Variants in FAM227B observed in about 807,000 individuals in gnomAD.
FAM227B encodes protein FAM227B.
In FAM227B, 88 loss-of-function variants were observed where a neutral mutation model predicts 73.8. The observed-to-expected ratio is 1.19, with a 90% CI of 1.00 to 1.42. FAM227B has a LOEUF of 1.42. Ranked by LOEUF, FAM227B falls within the 40% of genes most tolerant of loss-of-function variation. FAM227B has a pLI of 0.00. For missense variants in FAM227B, 632 were observed against 590.9 expected (o/e 1.07, Z -0.72); for synonymous variants, 210 against 190.5 (o/e 1.10, Z -0.84).
intron 11 of FAM227B, chr15:49,422,670 T>G (rs1028613424): frequency 7.2e-6 from 8 of 1,114,554 alleles, no homozygotes; most frequent in Non-Finnish European, 1.0e-5. Flanking sequence ...TACTGGTCAT[T>G]AGTGGTCCAA....
At chr15:49,355,096 C>T (rs1168621107) in intron 13 of FAM227B, among the ~76,000 whole-genome samples, 1 of 150,780 alleles carries the variant, frequency 6.6e-6, no homozygotes, top group East Asian at 1.9e-4. Flanking sequence ...CTGTACATCA[C>T]CATCATCAAA....
At position 49,414,749 on chromosome 15, in the gene FAM227B, TAGA is replaced by T. The variant is rs1597033323; in HGVS notation, c.1013-43353_1013-43351del. Among the ~76,000 whole-genome samples the T allele has an allele frequency of 2.0e-5, 3 of 152,066 alleles. No individual in the cohort carries two copies. The South Asian group carries it at 6.2e-4, about 32-fold the overall frequency. On this transcript the variant is annotated intron_variant, in intron 11 of 15. Transcript: ENST00000299338. The stretch of plus-strand genomic sequence containing the variant: ...GATAATTGATAGGAAGAAACAGGTG[TAGA>T]AGAAGTTGTGGTAGAATTGACATTT...
intron 13 of FAM227B, among the ~76,000 whole-genome samples, chr15:49,341,186 G>A (rs1322937187): frequency 6.6e-6 from 1 of 152,170 alleles, no homozygotes; most frequent in Non-Finnish European, 1.5e-5. Context: ...ATAGTTTGAA[G>A]TTGGGTAATA....
intron 9 of FAM227B, among the ~76,000 whole-genome samples, chr15:49,547,534 C>G (rs956351161): frequency 6.6e-6 from 1 of 151,488 alleles, no homozygotes; most frequent in African/African-American, 2.4e-5. Context: ...TCAGGAAACC[C>G]ATCTCAAGTG....
At chr15:49,593,425 TTTTTTA>T (rs1371999478) in intron 3 of FAM227B, among the ~76,000 whole-genome samples, 1 of 152,202 alleles carries the variant, frequency 6.6e-6, no homozygotes, top group East Asian at 1.9e-4. Flanking sequence ...CTGCATTTTA[TTTTTTA>T]TTTTTATTTT....
rs542777059 is a variant in FAM227B at position 49,553,394 on chromosome 15, G to A, written c.748-11588C>T. ...TAAGACGTGAAGCCAGAACAATGCT[G>A]GGTCTCACTGAAGGCCTGCAGCAAT... On this transcript the variant is annotated intron_variant, in intron 9 of 15. Transcript: ENST00000299338. Among the ~76,000 whole-genome samples, 134 of 152,306 alleles carry A rather than the reference G, an allele frequency of 8.8e-4. 5 individuals carry two copies. The South Asian group carries it at 0.027, about 30-fold the overall frequency.
intron 11 of FAM227B, among the ~76,000 whole-genome samples, chr15:49,451,471 CTATATGTATATAT>C (rs1372796667): frequency 6.6e-6 from 1 of 151,944 alleles, no homozygotes; most frequent in Non-Finnish European, 1.5e-5. Flanking sequence ...TTGCTTAAAT[CTATATGTATATAT>C]AGATTATAAC....
Position 49,589,909 on chromosome 15 carries a change from T to C in FAM227B, c.204A>G (p.Thr68=). ...KEDSSFVSIY[T]HLWENVPRIF... is the part of the protein sequence containing the mutation. ...TTCGAGGAACATTTTCCCATAGGTG[T>C]GTATAAATTGAAACAAATGAACTAT... is the stretch of plus-strand genomic sequence containing the variant. The change falls in exon 4 of 16, where the codon ACA becomes ACG. Residue 68 remains threonine (T), a synonymous_variant. Coordinates refer to ENST00000299338, the MANE Select transcript of FAM227B (RefSeq NM_152647.3). The C allele has an allele frequency of 6.3e-7, 1 of 1,591,622 alleles. No individual in the cohort carries two copies. Among genetic ancestry groups the C allele is most frequent in the Admixed American group, 1.7e-5 (1 of 59,990 alleles).
chr15:49,482,916 A>C (rs929714824), intron 11 of FAM227B, among the ~76,000 whole-genome samples: 20 of 152,072 alleles, frequency 1.3e-4, no homozygotes, highest in Admixed American at 2.6e-4. Flanking sequence ...TATTTATTTG[A>C]TACAGACACA....
At chr15:49,420,131 C>A (rs1452180036) in intron 11 of FAM227B, among the ~76,000 whole-genome samples, 2 of 151,930 alleles carry the variant, frequency 1.3e-5, no homozygotes, top group East Asian at 3.9e-4. Flanking sequence ...TTGGCAATAT[C>A]TTTTTTTTAA....
intron 8 of FAM227B, among the ~76,000 whole-genome samples, chr15:49,569,525 GTTTA>G (rs372141946): frequency 4.3e-4 from 66 of 151,870 alleles, no homozygotes; most frequent in East Asian, 3.1e-3. Flanking sequence ...TCATAATTGT[GTTTA>G]TTTATAGGGT....
intron 11 of FAM227B, among the ~76,000 whole-genome samples, chr15:49,377,361 T>G (rs930909244): frequency 6.6e-6 from 1 of 152,092 alleles, no homozygotes; most frequent in African/African-American, 2.4e-5. Context: ...CTGATTTCCT[T>G]TCTTTTGGGG....
intron 4 of FAM227B, among the ~76,000 whole-genome samples, chr15:49,588,593 A>G (rs2076330612): frequency 1.0e-5 from 1 of 95,254 alleles, no homozygotes; most frequent in Non-Finnish European, 2.2e-5. Context: ...ATATATATAT[A>G]TATATATAAA....
intron 11 of FAM227B, among the ~76,000 whole-genome samples, chr15:49,490,569 T>C (rs1450927091): frequency 1.3e-5 from 2 of 151,994 alleles, no homozygotes; most frequent in South Asian, 2.1e-4. Flanking sequence ...CTTAAGTTGT[T>C]TGGCAGATGT....
rs529156936 is a variant in FAM227B, at chr15:49,515,551, T to G, written c.875-7203A>C. Among the ~76,000 whole-genome samples the G allele has an allele frequency of 8.8e-4, 134 of 152,298 alleles. 5 individuals are homozygous for G. In the South Asian group the frequency reaches 0.027, roughly 30 times the overall value. Reference sequence around the variant, plus strand: ...TTTTTGTTGAAGACCAAATATATTATGCAGTGTAGTAAAGATGAGGTAAGT... The same window carrying G: ...TTTTTGTTGAAGACCAAATATATTAGGCAGTGTAGTAAAGATGAGGTAAGT... On this transcript the variant is annotated intron_variant, in intron 10 of 15. Coordinates refer to ENST00000299338, the MANE Select transcript of FAM227B (RefSeq NM_152647.3).
intron 11 of FAM227B, among the ~76,000 whole-genome samples, chr15:49,431,935 GATA>G (rs2050657984): frequency 6.6e-6 from 1 of 151,606 alleles, no homozygotes; most frequent in Non-Finnish European, 1.5e-5. Context: ...AACAATTTCA[GATA>G]ATAATACAGA....
chr15:49,341,342 G>A (rs2040704677), intron 13 of FAM227B, among the ~76,000 whole-genome samples: 1 of 152,146 alleles, frequency 6.6e-6, no homozygotes, highest in South Asian at 2.1e-4. Context: ...ATTGCTTTGG[G>A]TAGTATGGCA....
chr15:49,558,585 C>G (rs2073962638), intron 9 of FAM227B, among the ~76,000 whole-genome samples: 3 of 152,068 alleles, frequency 2.0e-5, no homozygotes, highest in Admixed American at 6.5e-5. Context: ...CTTTTGGTTC[C>G]CCCCACCTAA....
intron 1 of FAM227B, among the ~76,000 whole-genome samples, chr15:49,616,054 T>C (rs372069542): frequency 1.3e-5 from 2 of 152,242 alleles, no homozygotes; most frequent in African/African-American, 4.8e-5. Flanking sequence ...TGGACACTGC[T>C]AGTTATGTTC....
Sources: gnomAD v4.1 joint callset for allele counts (sites outside exome capture counted in the v4.1 genomes callset) on GRCh38, gnomAD v4.1.1 for gene constraint, MANE v1.5 for transcripts, NCBI Gene and HGNC (gene_info 2026-07-23, HGNC 2026-07-21) for gene names.